Variants in PIKFYVE observed in about 807,000 individuals in gnomAD.
The protein encoded by PIKFYVE is 1-phosphatidylinositol 3-phosphate 5-kinase.
In PIKFYVE, 122 loss-of-function variants were observed where a neutral mutation model predicts 257.9. That is an observed-to-expected ratio of 0.47 (90% confidence interval 0.41 to 0.55). The LOEUF (loss-of-function observed/expected upper bound fraction) is 0.55. PIKFYVE is among the 20% of genes least tolerant of loss of function. The pLI is 0.00. For missense variants in PIKFYVE, 2,160 were observed against 2,536.6 expected, an observed-to-expected ratio of 0.85 and a Z score of 3.19; for synonymous variants, 892 against 868.9, an observed-to-expected ratio of 1.03 and a Z score of -0.47.
In PIKFYVE at chr2:208,326,168, T is replaced by C. The variant is rs936926418; in HGVS notation, c.3357T>C (p.Ser1119=). The change falls in exon 20 of 42, where the codon AGT becomes AGC. Residue 1119 remains serine (S), a synonymous_variant. Transcript: ENST00000264380. ...DLSGLQGMNG[S]IQAKSIQVLP... ...CTGGACTTCAGGGCATGAATGGAAG[T>C]ATTCAGGCCAAGTCTATTCAAGTCT... 4 of 1,613,556 alleles carry C rather than the reference T, an allele frequency of 2.5e-6. No individual in the cohort carries two copies. Among genetic ancestry groups the C allele is most frequent in the Admixed American group, 3.3e-5 (2 of 59,926 alleles).
At position 208,350,152 on chromosome 2, in the gene PIKFYVE, G is replaced by A. The variant is rs574078397; in HGVS notation, c.5434+69G>A. 85 of 1,591,372 alleles carry A rather than the reference G, an allele frequency of 5.3e-5. No individual in the cohort carries two copies. In the East Asian group the frequency reaches 1.9e-3, roughly 35 times the overall value. On this transcript the variant is annotated intron_variant, in intron 36 of 41. Transcript: ENST00000264380. ...CAGTTGAGCCATCTCTATTATTTGA[G>A]AATTCTAGCTTCATACTAAATAAAT...
At chr2:208,339,026 C>T (rs574775983) in intron 29 of PIKFYVE, among the ~76,000 whole-genome samples, 1 of 152,156 alleles carries the variant, frequency 6.6e-6, no homozygotes, top group Non-Finnish European at 1.5e-5. Context: ...GCTCAACTTA[C>T]AATTCTTGGC....
chr2:208,269,654 TG>T, intron 1 of PIKFYVE: 1 of 260,218 alleles, frequency 3.8e-6, no homozygotes, highest in South Asian at 4.9e-5. Context: ...ACCTTGGCAC[TG>T]GTGAGGTTCT....
intron 7 of PIKFYVE, among the ~76,000 whole-genome samples, chr2:208,295,806 G>A (rs1433202644): frequency 6.6e-6 from 1 of 152,298 alleles, no homozygotes; most frequent in Middle Eastern, 3.4e-3. Context: ...CTTTGAAACT[G>A]CATGAATACC....
intron 7 of PIKFYVE, among the ~76,000 whole-genome samples, chr2:208,296,710 G>A (rs974122585): frequency 5.9e-5 from 9 of 152,142 alleles, no homozygotes; most frequent in African/African-American, 1.9e-4. Context: ...GACGGGGAGA[G>A]GCCAGTGAGG....
intron 17 of PIKFYVE, among the ~76,000 whole-genome samples, chr2:208,321,652 A>G (rs1696252130): frequency 7.0e-6 from 1 of 142,818 alleles, no homozygotes; most frequent in Admixed American, 7.6e-5. Flanking sequence ...ATCTTGGCTC[A>G]CTGAAACCCC....
chr2:208,288,829 A>C lies in PIKFYVE; in HGVS notation c.911+11A>C. 1 of 1,613,498 alleles carries C rather than the reference A, an allele frequency of 6.2e-7. No individual in the cohort carries two copies. Among genetic ancestry groups the C allele is most frequent in the Non-Finnish European group, 8.5e-7 (1 of 1,179,436 alleles). On this transcript the variant is annotated intron_variant, in intron 7 of 41. Coordinates refer to ENST00000264380, the MANE Select transcript of PIKFYVE (RefSeq NM_015040.4). The stretch of plus-strand genomic sequence containing the variant: ...TCCTGCTCGAAATAGGTAAACTGAC[A>C]AATGAAAACACTGTGCTCTCTGATG...
intron 39 of PIKFYVE, 75 bp downstream of exon 39, chr2:208,352,857 C>G: frequency 6.6e-7 from 1 of 1,514,744 alleles, no homozygotes; most frequent in Non-Finnish European, 9.1e-7. Context: ...TATAGTGAAT[C>G]AGAGAGTAAC....
At chr2:208,285,009 A>G (rs1691363020) in intron 5 of PIKFYVE, among the ~76,000 whole-genome samples, 1 of 152,116 alleles carries the variant, frequency 6.6e-6, no homozygotes, top group Non-Finnish European at 1.5e-5. Flanking sequence ...TTTCACTTTT[A>G]AAACCTGGAA....
Position 208,303,077 on chromosome 2 carries a change from G to A in PIKFYVE, c.1320+724G>A, listed in dbSNP as rs1276708076. Reference sequence around the variant, plus strand: ...AGCCTGGGCGACAAAGCAAGGCTCCGTCTCAAAACAAACACAAACAAACGA... The same window carrying A: ...AGCCTGGGCGACAAAGCAAGGCTCCATCTCAAAACAAACACAAACAAACGA... On this transcript the variant is annotated intron_variant, in intron 10 of 41. Coordinates refer to ENST00000264380, the MANE Select transcript of PIKFYVE (RefSeq NM_015040.4). Among the ~76,000 whole-genome samples the A allele has an allele frequency of 7.2e-5, 11 of 152,002 alleles. 1 individual carries two copies. The highest frequency in any genetic ancestry group is 3.9e-4 in the Admixed American group (6 of 15,256).
intron 26 of PIKFYVE, 33 bp downstream of exon 26, chr2:208,335,934 TTAATTATTGATTAA>T: frequency 6.3e-6 from 10 of 1,583,416 alleles, no homozygotes; most frequent in Non-Finnish European, 7.8e-6. Flanking sequence ...AATTCAAAAG[TTAATTATTGATTAA>T]AAATTATTGA....
chr2:208,329,654 G>A (rs958875736), intron 21 of PIKFYVE, among the ~76,000 whole-genome samples, 188 bp from the exon 22 acceptor site: 1 of 152,142 alleles, frequency 6.6e-6, no homozygotes, highest in African/African-American at 2.4e-5. Flanking sequence ...GAGTGAAAAA[G>A]ATGCTTTAGT....
In PIKFYVE at chr2:208,355,957, G is replaced by GAATTAACTTTAA. The variant is rs1700137862; in HGVS notation, c.*652_*653insAATTAACTTTAA. The GAATTAACTTTAA allele has an allele frequency of 6.6e-6, 1 of 152,472 alleles. No individual in the cohort carries two copies. The allele number at this position is 152,472 out of a possible 1,614,324, so 9.4% of individuals were successfully genotyped here. On this transcript the variant is annotated 3_prime_UTR_variant, in exon 42 of 42. Coordinates refer to ENST00000264380, the MANE Select transcript of PIKFYVE (RefSeq NM_015040.4). ...TTTGTCTTCTCTGTGGAAGACAGGA[G>GAATTAACTTTAA]GCTACAGCAATTAACTTTAAGCCTC... is the stretch of plus-strand genomic sequence containing the variant.
At chr2:208,318,566 G>A (rs1376149044) in intron 16 of PIKFYVE, among the ~76,000 whole-genome samples, 1 of 152,100 alleles carries the variant, frequency 6.6e-6, no homozygotes, top group African/African-American at 2.4e-5. Context: ...GATCACATGT[G>A]GACCTTTTAA....
intron 8 of PIKFYVE, among the ~76,000 whole-genome samples, chr2:208,299,538 T>G (rs1366279507): frequency 6.6e-6 from 1 of 151,984 alleles, no homozygotes; most frequent in Non-Finnish European, 1.5e-5. Context: ...TCTCCCTGCC[T>G]TGGCCTCACA....
intron 5 of PIKFYVE, among the ~76,000 whole-genome samples, chr2:208,282,825 A>G (rs1403110903): frequency 1.3e-5 from 2 of 152,062 alleles, no homozygotes; most frequent in African/African-American, 4.8e-5. Context: ...TTTTCCATGG[A>G]CTGGTGTGGG....
intron 19 of PIKFYVE, 39 bp downstream of exon 19, chr2:208,325,076 G>A (rs1229110834): frequency 6.2e-7 from 1 of 1,612,812 alleles, no homozygotes; most frequent in Non-Finnish European, 8.5e-7. Flanking sequence ...GAGGAAAAGA[G>A]TTAACTTATC....
At chr2:208,322,604 C>T (rs1292375464) in intron 17 of PIKFYVE, among the ~76,000 whole-genome samples, 1 of 151,452 alleles carries the variant, frequency 6.6e-6, no homozygotes, top group South Asian at 2.1e-4. Flanking sequence ...GAGATTCTTA[C>T]TGTGTTTGCA....
At position 208,326,249 on chromosome 2, in the gene PIKFYVE, G is replaced by T. The variant is rs1483452600; in HGVS notation, c.3438G>T (p.Gln1146His). 1.3e-6 allele frequency: 2 copies of T among 1,591,370 alleles called. No individual in the cohort carries two copies. Among genetic ancestry groups the T allele is most frequent in the Admixed American group, 3.5e-5 (2 of 57,234 alleles). Residue 1146 changes from glutamine to histidine, a missense_variant, in exon 20 of 42, where the codon CAG (glutamine) becomes CAT (histidine). By Grantham distance (24) the Gln-to-His change is conservative. Transcript: ENST00000264380. ...TRIAEHLGDS[Q>H]SLGRMLADYR... ...TTGCTGAGCATCTGGGCGATAGCCA[G>T]AGCTTGGGTAGAATGCTGGCCGATT...
Sources: allele counts gnomAD v4.1 joint callset (sites outside exome capture counted in the v4.1 genomes callset), GRCh38; gene constraint gnomAD v4.1.1; transcripts MANE v1.5; gene names NCBI Gene and HGNC (gene_info 2026-07-23, HGNC 2026-07-21).